OVCH2: variants seen among roughly 807,000 people sequenced by gnomAD.
The protein encoded by OVCH2 is ovochymase 2, also known as ovochymase-2.
In OVCH2, 88 loss-of-function variants were observed where a neutral mutation model predicts 73.7. The ratio of observed to expected loss-of-function variants is 1.19; its 90% CI spans 1.01 to 1.43. The LOEUF (loss-of-function observed/expected upper bound fraction) is 1.43, where lower values mean the gene tolerates loss of function less well. Among genes scored for constraint, OVCH2 ranks in the 40% most tolerant of loss-of-function variants. The pLI is 0.00. For synonymous variants in OVCH2, 265 were observed against 234.5 expected (o/e 1.13, Z -1.19); for missense variants, 706 against 674.5 (o/e 1.05, Z -0.52).
intron 14 of OVCH2, 105 bp downstream of exon 14, chr11:7,691,164 A>G: frequency 7.5e-7 from 1 of 1,336,460 alleles, no homozygotes; most frequent in Non-Finnish European, 1.0e-6. Flanking sequence ...TAATTACTGC[A>G]GATAGTGAGA....
downstream of OVCH2, among the ~76,000 whole-genome samples, chr11:7,686,723 T>C (rs373168209): frequency 1.2e-3 from 176 of 152,302 alleles, 5 homozygotes; most frequent in South Asian, 0.036. Context: ...GAGTAGAACA[T>C]TTCTGAAAAT....
At position 7,704,570 on chromosome 11, in the gene OVCH2, A is replaced by G. The variant is rs778157015; in HGVS notation, c.193T>C (p.Trp65Arg). 1.2e-6 allele frequency: 2 copies of G among 1,602,748 alleles called. No homozygotes were observed. The highest frequency in any genetic ancestry group is 8.5e-7 in the Non-Finnish European group (1 of 1,170,806). The change falls in exon 2 of 16, where the codon TGG (tryptophan) becomes CGG (arginine). Residue 65 changes from tryptophan to arginine, a missense_variant. By Grantham distance (101) the Trp-to-Arg change is moderately radical. Coordinates refer to ENST00000533663, the MANE Select transcript of OVCH2 (RefSeq NM_198185.7). ...TAGAAGTCCTTGAGACTCACCTGCC[A>G]GGGATAGGAACCCTTCTCCACTTGG... ...GSQVEKGSYP[W>R]QVSLKQRQKH...
At chr11:7,693,929 G>T (rs1011491112) in intron 12 of OVCH2, among the ~76,000 whole-genome samples, 1 of 152,160 alleles carries the variant, frequency 6.6e-6, no homozygotes, top group Non-Finnish European at 1.5e-5. Flanking sequence ...TTCTAACTTA[G>T]TGTGGTATCC....
chr11:7,682,132 A>T, the OVCH2 span, among the ~76,000 whole-genome samples: 1 of 152,256 alleles, frequency 6.6e-6, no homozygotes, highest in African/African-American at 2.4e-5. Flanking sequence ...TTTATAAAGC[A>T]TTACAATGAA....
intron 12 of OVCH2, among the ~76,000 whole-genome samples, chr11:7,694,188 A>G (rs1856276286): frequency 6.6e-6 from 1 of 152,148 alleles, no homozygotes. Flanking sequence ...GATCTATGAG[A>G]AAATGCCTCA....
intron 4 of OVCH2, 74 bp downstream of exon 4, chr11:7,702,083 C>A: frequency 7.5e-7 from 1 of 1,339,504 alleles, no homozygotes. Flanking sequence ...ACGTATACTG[C>A]AGGAAATGTG....
chr11:7,680,571 T>C, the OVCH2 span, among the ~76,000 whole-genome samples: 2 of 152,180 alleles, frequency 1.3e-5, no homozygotes, highest in East Asian at 3.9e-4. Flanking sequence ...ATTGGCAGAA[T>C]GAACTTTGAA....
rs1227890726 is a variant in OVCH2 at position 7,701,791 on chromosome 11, A to T, written c.484T>A (p.Cys162Ser). 1.2e-6 allele frequency: 2 copies of T among 1,611,868 alleles called. No homozygotes were observed. The highest frequency in any genetic ancestry group is 1.1e-5 in the South Asian group (1 of 90,364). The change falls in exon 5 of 16, where the codon TGT (cysteine) becomes AGT (serine). Residue 162 changes from cysteine to serine, a missense_variant. Coordinates refer to ENST00000533663, the MANE Select transcript of OVCH2 (RefSeq NM_198185.7). ...FQFGHFVGPI[C>S]LPELREQFEA... is the part of the protein sequence containing the mutation. ...AATTGCTCCCGCAGCTCTGGAAGAC[A>T]TATGGGCCCCACAAAGTGGCCTGAA...
At chr11:7,684,982 C>G (rs1590898231), downstream of OVCH2, among the ~76,000 whole-genome samples, 2 of 152,070 alleles carry the variant, frequency 1.3e-5, no homozygotes, top group African/African-American at 4.8e-5. Context: ...GTCCTTAAGT[C>G]AAAACTGAAA....
At chr11:7,687,297 G>A (rs1391849023), downstream of OVCH2, among the ~76,000 whole-genome samples, 12 of 137,510 alleles carry the variant, frequency 8.7e-5, no homozygotes, top group South Asian at 4.5e-4. Flanking sequence ...TATAAGAAGT[G>A]ATGGCTGTGG....
chr11:7,696,674 G>A (rs753287013), intron 9 of OVCH2, 35 bp downstream of exon 9: 4 of 1,613,844 alleles, frequency 2.5e-6, no homozygotes, highest in Non-Finnish European at 3.4e-6. Flanking sequence ...CCGGAGGTGG[G>A]AGTAAGGAGG....
chr11:7,679,281 TATG>T, the OVCH2 span, among the ~76,000 whole-genome samples: 1 of 152,238 alleles, frequency 6.6e-6, no homozygotes, highest in African/African-American at 2.4e-5. Flanking sequence ...GATCTTTTTG[TATG>T]ATAATGAGTT....
intron 12 of OVCH2, among the ~76,000 whole-genome samples, chr11:7,693,950 T>C (rs10769818): frequency 0.87 from 132,779 of 152,140 alleles, 58,720 homozygotes; most frequent in East Asian, 1. Flanking sequence ...AAATGATTGG[T>C]CACATCTTTT....
the OVCH2 span, among the ~76,000 whole-genome samples, chr11:7,678,693 C>G: frequency 6.6e-6 from 1 of 152,188 alleles, no homozygotes; most frequent in African/African-American, 2.4e-5. Context: ...AAACAGAAAA[C>G]TTAATGCCGC....
At chr11:7,692,073 A>C in intron 12 of OVCH2, 78 bp from the exon 13 acceptor site, 1 of 1,057,556 alleles carries the variant, frequency 9.5e-7, no homozygotes, top group South Asian at 1.4e-5. Context: ...AGAAATTTGG[A>C]TTGCTCAACT....
At chr11:7,694,131 C>T (rs1470149902) in intron 12 of OVCH2, among the ~76,000 whole-genome samples, 1 of 152,172 alleles carries the variant, frequency 6.6e-6, no homozygotes, top group Non-Finnish European at 1.5e-5. Flanking sequence ...GCTCTCTTTT[C>T]TCTCCATCGT....
chr11:7,703,616 G>A (rs1205080216), intron 3 of OVCH2, 82 bp downstream of exon 3: 7 of 1,132,974 alleles, frequency 6.2e-6, no homozygotes, highest in Non-Finnish European at 8.7e-6. Context: ...ACAGGTCCAT[G>A]TTTTAATAGG....
chr11:7,689,808 G>A (rs1565165171), intron 15 of OVCH2, 116 bp downstream of exon 15: 2 of 719,786 alleles, frequency 2.8e-6, no homozygotes, highest in East Asian at 5.4e-5. Flanking sequence ...GGGTACTGGA[G>A]GTTAGGACTC....
At position 7,691,993 on chromosome 11, in the gene OVCH2, A is replaced by C. The variant is rs1159088449; in HGVS notation, c.1416T>G (p.Leu472=). 1.3e-6 allele frequency: 2 copies of C among 1,561,942 alleles called. No homozygotes were observed. The highest frequency in any genetic ancestry group is 3.8e-5 in the Admixed American group (2 of 52,958). Residue 472 remains leucine (L), a splice_region_variant and synonymous_variant, in exon 13 of 16, where the codon CTT becomes CTG. Coordinates refer to ENST00000533663, the MANE Select transcript of OVCH2 (RefSeq NM_198185.7). ...CTTCTATTTCCAGACTCTGAAATGAAAGCTGAGAAGACACGAAGTTACATC... is the reference window on the plus strand; with the variant it reads ...CTTCTATTTCCAGACTCTGAAATGACAGCTGAGAAGACACGAAGTTACATC... ...FQASKHHLIK[L]SFQSLEIEES... is the part of the protein sequence containing the mutation.
Sources: allele counts gnomAD v4.1 joint callset (sites outside exome capture counted in the v4.1 genomes callset), GRCh38; gene constraint gnomAD v4.1.1; transcripts MANE v1.5; gene names NCBI Gene and HGNC (gene_info 2026-07-23, HGNC 2026-07-21).